The following HTR4 variants were observed in gnomAD, a reference collection of about 807,000 sequenced individuals.
The protein encoded by HTR4 is 5-hydroxytryptamine receptor 4, also known as 5-hydroxytryptamine (serotonin) receptor 4, G protein-coupled.
A neutral mutation model predicts 36.8 loss-of-function variants in HTR4; 16 were observed. That is an observed-to-expected ratio of 0.43 (90% CI 0.29 to 0.66). HTR4 has a LOEUF of 0.66. HTR4 is among the 30% of genes least tolerant of loss of function. The probability of loss-of-function intolerance (pLI) is 0.13; values close to 1 mark genes in which losing one functional copy is unlikely to be tolerated. For synonymous variants in HTR4, 189 were observed against 185.1 expected (o/e 1.02, Z -0.17); for missense variants, 438 against 490.9 (o/e 0.89, Z 1.02).
rs527344801 is a variant in HTR4, at chr5:148,569,580, GTATAT to G, written c.27-19323_27-19319del. On this transcript the variant is annotated intron_variant, in intron 2 of 6. Transcript: ENST00000377888. ...AATACATTTTATTATTTTATTGTAT[GTATAT>G]TATATTTATCTTATTTATTATTTTA... 3.6e-3 allele frequency among the ~76,000 whole-genome samples: 546 copies of G among 151,286 alleles called. 3 individuals are homozygous for G. Among genetic ancestry groups the G allele is most frequent in the Admixed American group, 6.8e-3 (103 of 15,180 alleles).
At chr5:148,485,626 A>C (rs778648271) in intron 6 of HTR4, among the ~76,000 whole-genome samples, 14 of 152,298 alleles carry the variant, frequency 9.2e-5, no homozygotes, top group African/African-American at 2.6e-4. Context: ...TCTGACCATT[A>C]AAGAAGAGTC....
downstream of HTR4, chr5:148,476,788 T>C: frequency 6.2e-7 from 1 of 1,611,944 alleles, no homozygotes; most frequent in East Asian, 2.2e-5. Flanking sequence ...TGAACCACAC[T>C]GAAAAGCATA....
chr5:148,587,966 A>C (rs764302537), intron 2 of HTR4, among the ~76,000 whole-genome samples: 1 of 152,180 alleles, frequency 6.6e-6, no homozygotes, highest in Non-Finnish European at 1.5e-5. Context: ...CTGCCTCAGC[A>C]TGGGGATAAC....
In HTR4 at chr5:148,482,789, T is replaced by G; in HGVS notation, c.*414A>C. The G allele has an allele frequency of 9.6e-7, 1 of 1,040,706 alleles. No homozygotes were observed. The highest frequency in any genetic ancestry group is 1.2e-6 in the Non-Finnish European group (1 of 861,588). The allele number at this position is 1,040,706 out of a possible 1,614,324, so 64.5% of individuals were successfully genotyped here. Reference sequence around the variant, plus strand: ...CTAAGACAGGAACAGAGAGGGAGTATTTTGTTGATATCTGGAAGCCCACAC... The same window carrying G: ...CTAAGACAGGAACAGAGAGGGAGTAGTTTGTTGATATCTGGAAGCCCACAC... On this transcript the variant is annotated 3_prime_UTR_variant, in exon 7 of 7. Transcript: ENST00000377888.
At chr5:148,572,435 C>G in intron 2 of HTR4, among the ~76,000 whole-genome samples, 1 of 152,102 alleles carries the variant, frequency 6.6e-6, no homozygotes, top group East Asian at 1.9e-4. Context: ...CTATGATAGA[C>G]AAATGTAATA....
rs1025033498 is a variant in HTR4 at position 148,516,985 on chromosome 5, T to A, written c.507+6208A>T. Among the ~76,000 whole-genome samples, 4 of 152,244 alleles carry A rather than the reference T, an allele frequency of 2.6e-5. No homozygotes were observed. The East Asian group carries it at 7.7e-4, about 29-fold the overall frequency. On this transcript the variant is annotated intron_variant, in intron 5 of 6. Transcript: ENST00000377888. Reference sequence around the variant, plus strand: ...AAGGCCCCAAAGGAAATAGTAGAGGTCTTCTTTTTCTTTTTGAGAGTGTAG... The same window carrying A: ...AAGGCCCCAAAGGAAATAGTAGAGGACTTCTTTTTCTTTTTGAGAGTGTAG...
intron 5 of HTR4, among the ~76,000 whole-genome samples, chr5:148,457,344 T>TC (rs1289968898): frequency 6.6e-6 from 1 of 152,070 alleles, no homozygotes; most frequent in African/African-American, 2.4e-5. Flanking sequence ...CTGGGTTGCT[T>TC]CCCCCATTTG....
chr5:148,651,688 TTAA>T (rs1178016492), intron 1 of HTR4, among the ~76,000 whole-genome samples: 2 of 151,844 alleles, frequency 1.3e-5, no homozygotes, highest in South Asian at 2.1e-4. Context: ...TGAAGTTACC[TTAA>T]TAATATTATT....
chr5:148,626,240 G>T (rs767914919), intron 2 of HTR4, among the ~76,000 whole-genome samples: 1 of 152,194 alleles, frequency 6.6e-6, no homozygotes, highest in Non-Finnish European at 1.5e-5. Context: ...CAAAACTTCT[G>T]TCAGTGGTGC....
chr5:148,539,511 A>G (rs1353794760), intron 4 of HTR4, among the ~76,000 whole-genome samples: 1 of 152,214 alleles, frequency 6.6e-6, no homozygotes, highest in African/African-American at 2.4e-5. Flanking sequence ...AGGAACTTAA[A>G]CAAATTTACA....
intron 6 of HTR4, chr5:148,484,415 A>T (rs117669512): frequency 1.3e-6 from 2 of 1,586,840 alleles, no homozygotes; most frequent in Non-Finnish European, 1.7e-6. Context: ...ATGAATTATT[A>T]TACAACAGTG....
intron 6 of HTR4, among the ~76,000 whole-genome samples, chr5:148,486,587 G>T (rs1356673708): frequency 1.3e-5 from 2 of 152,166 alleles, no homozygotes; most frequent in South Asian, 2.1e-4. Context: ...CTGACATTCT[G>T]ATTCTATGAG....
intron 6 of HTR4, among the ~76,000 whole-genome samples, chr5:148,498,175 A>C (rs1315194498): frequency 6.6e-6 from 1 of 152,220 alleles, no homozygotes; most frequent in Non-Finnish European, 1.5e-5. Context: ...AAGGGCCATA[A>C]GGATAGGACC....
chr5:148,451,663 G>A (rs575122538), intron 5 of HTR4, among the ~76,000 whole-genome samples: 2 of 152,210 alleles, frequency 1.3e-5, no homozygotes, highest in Admixed American at 6.5e-5. Flanking sequence ...GATAGTTTTG[G>A]GTTCTGACTG....
intron 6 of HTR4, among the ~76,000 whole-genome samples, chr5:148,495,362 C>G (rs910796877): frequency 1.3e-5 from 2 of 152,184 alleles, no homozygotes; most frequent in Non-Finnish European, 2.9e-5. Context: ...GGGAAATTCT[C>G]TGCTCTAAGG....
At chr5:148,593,118 T>G (rs1761636948) in intron 2 of HTR4, among the ~76,000 whole-genome samples, 1 of 152,162 alleles carries the variant, frequency 6.6e-6, no homozygotes, top group Non-Finnish European at 1.5e-5. Context: ...TGCTTTTGGG[T>G]CCTCTGATTC....
intron 4 of HTR4, among the ~76,000 whole-genome samples, chr5:148,544,855 A>C (rs1028501851): frequency 1.3e-5 from 2 of 152,182 alleles, no homozygotes; most frequent in African/African-American, 4.8e-5. Flanking sequence ...GTTACAAATT[A>C]AAGTGAGCCC....
At chr5:148,613,816 A>T (rs867610667) in intron 2 of HTR4, among the ~76,000 whole-genome samples, 1 of 151,692 alleles carries the variant, frequency 6.6e-6, no homozygotes, top group African/African-American at 2.4e-5. Flanking sequence ...TTAAGCTGAT[A>T]AGCAACTTCA....
chr5:148,510,111 T>C, intron 5 of HTR4, 87 bp from the exon 6 acceptor site: 1 of 798,296 alleles, frequency 1.3e-6, no homozygotes, highest in Non-Finnish European at 1.9e-6. Flanking sequence ...TGGGGAAGAG[T>C]GTGAGAAAAG....
Sources: gnomAD v4.1 joint callset for allele counts (sites outside exome capture counted in the v4.1 genomes callset) on GRCh38, gnomAD v4.1.1 for gene constraint, MANE v1.5 for transcripts, NCBI Gene and HGNC (gene_info 2026-07-23, HGNC 2026-07-21) for gene names.